The following MMP16 variants were observed in gnomAD, a reference collection of about 807,000 sequenced individuals.
The protein encoded by MMP16 is matrix metalloproteinase-16.
In MMP16, 12 loss-of-function variants were observed where a neutral mutation model predicts 67.8. The ratio of observed to expected loss-of-function variants is 0.18; its 90% CI spans 0.11 to 0.29. MMP16 has a LOEUF of 0.29. Ranked by LOEUF, MMP16 falls within the 10% of genes least tolerant of loss-of-function variation. The pLI is 1.00. For synonymous variants in MMP16, 249 were observed against 255.9 expected (o/e 0.97, Z 0.26); for missense variants, 475 against 765.7 (o/e 0.62, Z 4.48).
At chr8:88,315,777 A>T (rs1236623572) in intron 1 of MMP16, among the ~76,000 whole-genome samples, 3 of 152,144 alleles carry the variant, frequency 2.0e-5, no homozygotes, top group Admixed American at 2.0e-4. Flanking sequence ...TTCTCACTTT[A>T]TATTAAAAGC....
chr8:88,060,001 A>G (rs1326052826), intron 7 of MMP16, among the ~76,000 whole-genome samples: 1 of 151,544 alleles, frequency 6.6e-6, no homozygotes, highest in Non-Finnish European at 1.5e-5. Context: ...AAAAAAAGTG[A>G]TACAAGGAGC....
chr8:88,218,895 T>C (rs933655003), intron 1 of MMP16, among the ~76,000 whole-genome samples: 2 of 152,064 alleles, frequency 1.3e-5, no homozygotes, highest in Non-Finnish European at 2.9e-5. Context: ...AAGAATTGGC[T>C]AAGTTTAAAA....
intron 8 of MMP16, among the ~76,000 whole-genome samples, chr8:88,055,340 T>G (rs1054712521): frequency 2.0e-5 from 3 of 152,142 alleles, no homozygotes; most frequent in African/African-American, 7.2e-5. Context: ...CCCAAGTAGC[T>G]GGAATTACAA....
chr8:88,300,226 C>A (rs1185577895), intron 1 of MMP16, among the ~76,000 whole-genome samples: 1 of 152,180 alleles, frequency 6.6e-6, no homozygotes, highest in African/African-American at 2.4e-5. Context: ...ATCTCTTAAA[C>A]TGCAAAATTC....
intron 3 of MMP16, among the ~76,000 whole-genome samples, chr8:88,182,075 T>G (rs562075465): frequency 6.6e-6 from 1 of 151,612 alleles, no homozygotes; most frequent in Non-Finnish European, 1.5e-5. Context: ...TAAGAGAAAA[T>G]CTAGGGACTT....
chr8:88,213,740 T>A (rs775945222), intron 1 of MMP16, among the ~76,000 whole-genome samples: 2 of 152,192 alleles, frequency 1.3e-5, no homozygotes, highest in Non-Finnish European at 2.9e-5. Context: ...TTTAATGTCA[T>A]AATTACATAC....
chr8:88,266,484 T>A (rs1323219324), intron 1 of MMP16, among the ~76,000 whole-genome samples: 1 of 152,110 alleles, frequency 6.6e-6, no homozygotes, highest in African/African-American at 2.4e-5. Flanking sequence ...ATAGATCAGA[T>A]AACTTAGTGA....
chr8:88,237,774 T>C (rs974081588), intron 1 of MMP16, among the ~76,000 whole-genome samples: 1 of 152,244 alleles, frequency 6.6e-6, no homozygotes, highest in African/African-American at 2.4e-5. Flanking sequence ...CGTTTGTGTA[T>C]GCTTTTGTTC....
At chr8:88,198,118 G>C (rs758772633) in intron 1 of MMP16, among the ~76,000 whole-genome samples, 1 of 152,118 alleles carries the variant, frequency 6.6e-6, no homozygotes, top group African/African-American at 2.4e-5. Flanking sequence ...GCAAAAATTC[G>C]GAGTCATTTA....
At chr8:88,315,441 T>C (rs1811362425) in intron 1 of MMP16, among the ~76,000 whole-genome samples, 2 of 152,182 alleles carry the variant, frequency 1.3e-5, no homozygotes, top group South Asian at 2.1e-4. Context: ...TATTGTGAGA[T>C]ATGCACTAAA....
Position 88,056,194 on chromosome 8 carries a change from G to A in MMP16, c.1307C>T (p.Pro436Leu), listed in dbSNP as rs1482457377. The A allele has an allele frequency of 6.3e-7, 1 of 1,599,334 alleles. No individual in the cohort carries two copies. The highest frequency in any genetic ancestry group is 1.3e-5 in the African/African-American group (1 of 74,524). Residue 436 changes from proline (P) to leucine (L), a missense_variant, in exon 8 of 10, where the codon CCT (proline) becomes CTT (leucine). By Grantham distance (98) the Pro-to-Leu change is moderately conservative (BLOSUM62 -3). This residue lies in a region of MMP16 where 195 missense variants were observed against 300.9 expected (regional missense o/e 0.65). Transcript: ENST00000286614. ...DLITLGSGIPPHGIDSAIWWE... is the reference protein window; with the variant it reads ...DLITLGSGIPLHGIDSAIWWE... ...CCAAATGGCTGAATCAATACCATGA[G>A]GGGGAATTCCACTTCCAAGGGTTAT...
intron 1 of MMP16, among the ~76,000 whole-genome samples, chr8:88,236,458 G>A (rs539005658): frequency 6.6e-6 from 1 of 152,232 alleles, no homozygotes; most frequent in Admixed American, 6.5e-5. Context: ...ACATTAAGTA[G>A]TTAAAACCAG....
chr8:88,241,793 G>A (rs1373611234), intron 1 of MMP16, among the ~76,000 whole-genome samples: 2 of 151,966 alleles, frequency 1.3e-5, no homozygotes, highest in Non-Finnish European at 2.9e-5. Flanking sequence ...GATCAAATCA[G>A]AGTAATTAGT....
At chr8:88,311,922 T>G (rs551551107) in intron 1 of MMP16, among the ~76,000 whole-genome samples, 2 of 151,968 alleles carry the variant, frequency 1.3e-5, no homozygotes, top group Non-Finnish European at 2.9e-5. Context: ...ACATCAGAAA[T>G]AAAAAGACTT....
intron 1 of MMP16, among the ~76,000 whole-genome samples, chr8:88,305,805 T>C (rs149409670): frequency 6.6e-6 from 1 of 152,098 alleles, no homozygotes; most frequent in South Asian, 2.1e-4. Context: ...GGGGGAAATT[T>C]ATAGCACTAA....
At chr8:88,081,963 T>C (rs901062882) in intron 6 of MMP16, among the ~76,000 whole-genome samples, 1 of 152,028 alleles carries the variant, frequency 6.6e-6, no homozygotes, top group Non-Finnish European at 1.5e-5. Context: ...ATTTGAAAAA[T>C]AAATGTTTTC....
At chr8:88,276,432 G>A (rs948311641) in intron 1 of MMP16, among the ~76,000 whole-genome samples, 1 of 152,092 alleles carries the variant, frequency 6.6e-6, no homozygotes, top group African/African-American at 2.4e-5. Flanking sequence ...AATAAGATAT[G>A]AAAGTAATTC....
chr8:88,194,946 A>G (rs550210246), intron 2 of MMP16, among the ~76,000 whole-genome samples: 140 of 152,154 alleles, frequency 9.2e-4, no homozygotes, highest in Non-Finnish European at 1.5e-3. Flanking sequence ...TCTTTTCTCT[A>G]TAATGCCCTA....
chr8:88,316,875 TG>T (rs1013628511), intron 1 of MMP16, among the ~76,000 whole-genome samples: 43 of 152,192 alleles, frequency 2.8e-4, no homozygotes, highest in African/African-American at 1.0e-3. Context: ...TCATGATTCA[TG>T]GGGGGAGGTA....
Sources: gnomAD v4.1 joint callset for allele counts (sites outside exome capture counted in the v4.1 genomes callset) on GRCh38, gnomAD v4.1.1 for gene constraint, gnomAD v4.1.1 regional missense constraint, MANE v1.5 for transcripts, NCBI Gene and HGNC (gene_info 2026-07-23, HGNC 2026-07-21) for gene names.